PCDHA5: variants seen among roughly 807,000 people sequenced by gnomAD.
PCDHA5 encodes the protein protocadherin alpha-5.
A neutral mutation model predicts 61.6 loss-of-function variants in PCDHA5; 43 were observed. That is an observed-to-expected ratio of 0.70 (90% CI 0.55 to 0.90). The LOEUF (loss-of-function observed/expected upper bound fraction) is 0.90. Ranked by LOEUF, PCDHA5 falls within the 40% of genes least tolerant of loss-of-function variation. The probability of loss-of-function intolerance (pLI) is 0.00; values close to 1 mark genes in which losing one functional copy is unlikely to be tolerated. For synonymous variants in PCDHA5, 627 were observed against 543.9 expected (o/e 1.15, Z -2.13); for missense variants, 1,298 against 1,222.7 (o/e 1.06, Z -0.92).
At chr5:140,862,566 T>C (rs1440139064) in intron 1 of PCDHA5, 1 of 478,068 alleles carries the variant, frequency 2.1e-6, no homozygotes, top group Non-Finnish European at 4.3e-6. Context: ...TGAACCACAA[T>C]GCCCTGGCGT....
chr5:140,884,183 G>A (rs201206731), intron 1 of PCDHA5: 1 of 1,613,424 alleles, frequency 6.2e-7, no homozygotes, highest in Non-Finnish European at 8.5e-7. Flanking sequence ...CCCTCTGGAC[G>A]AGGTGGACGC....
chr5:140,836,197 C>T, intron 1 of PCDHA5: 1 of 1,613,818 alleles, frequency 6.2e-7, no homozygotes, highest in Non-Finnish European at 8.5e-7. Flanking sequence ...GGCTACAACG[C>T]GTGGCTTTCG....
chr5:140,841,809 G>T, intron 1 of PCDHA5: 1 of 1,613,904 alleles, frequency 6.2e-7, no homozygotes. Context: ...GCAGATGTTG[G>T]AGCTAACTCC....
intron 1 of PCDHA5, chr5:140,869,346 T>G (rs781810947): frequency 4.3e-6 from 7 of 1,613,936 alleles, no homozygotes; most frequent in East Asian, 2.2e-5. Flanking sequence ...ATCTGCAGAA[T>G]GGCATTTTGT....
At chr5:140,902,687 T>C (rs552973135) in intron 1 of PCDHA5, among the ~76,000 whole-genome samples, 184 of 152,262 alleles carry the variant, frequency 1.2e-3, no homozygotes, top group African/African-American at 4.2e-3. Context: ...GTACCTAATA[T>C]GTGTAGTCTT....
At chr5:140,946,629 T>TATATATATATATAC (rs1367833800) in intron 1 of PCDHA5, among the ~76,000 whole-genome samples, 1 of 123,274 alleles carries the variant, frequency 8.1e-6, no homozygotes, top group Admixed American at 8.1e-5. Flanking sequence ...TATATATATA[T>TATATATATATATAC]ATACAATGGA....
At chr5:140,828,085 A>G in intron 1 of PCDHA5, 1 of 1,590,816 alleles carries the variant, frequency 6.3e-7, no homozygotes, top group East Asian at 2.2e-5. Context: ...AACCAGAGGT[A>G]TTTGACATGG....
chr5:140,871,716 C>G (rs1315028077), intron 1 of PCDHA5: 6 of 796,846 alleles, frequency 7.5e-6, no homozygotes, highest in Non-Finnish European at 1.1e-5. Flanking sequence ...TGTCCTATTT[C>G]TCTTAATATT....
chr5:140,893,583 T>G (rs535910), intron 1 of PCDHA5, among the ~76,000 whole-genome samples: 7,078 of 152,294 alleles, frequency 0.046, 293 homozygotes, highest in African/African-American at 0.11. Context: ...TTTGCTTGTT[T>G]GGGAAATACT....
chr5:140,875,696 T>C (rs2055720575), intron 1 of PCDHA5: 1 of 1,613,958 alleles, frequency 6.2e-7, no homozygotes, highest in Non-Finnish European at 8.5e-7. Flanking sequence ...GGGGACCTTC[T>C]GGAGGTAAAT....
intron 1 of PCDHA5, chr5:140,928,771 A>C: frequency 6.2e-7 from 1 of 1,613,998 alleles, no homozygotes; most frequent in Non-Finnish European, 8.5e-7. Context: ...AGTTCTTCCC[A>C]CTGATGCAGT....
At chr5:140,876,662 T>C in intron 1 of PCDHA5, 1 of 1,614,232 alleles carries the variant, frequency 6.2e-7, no homozygotes, top group Non-Finnish European at 8.5e-7. Flanking sequence ...CCCTTCAAGC[T>C]GGTGTCCACC....
chr5:140,944,095 A>AT (rs2093609322), intron 1 of PCDHA5, among the ~76,000 whole-genome samples: 1 of 152,250 alleles, frequency 6.6e-6, no homozygotes. Context: ...GAGTAAGTTT[A>AT]TATCTCATGG....
intron 1 of PCDHA5, chr5:140,830,716 A>G (rs1437776192): frequency 8.4e-6 from 2 of 237,240 alleles, no homozygotes; most frequent in Non-Finnish European, 1.6e-5. Flanking sequence ...TTGTCTTCAA[A>G]CCAAAATATT....
At chr5:140,980,856 G>A (rs559833499) in intron 2 of PCDHA5, among the ~76,000 whole-genome samples, 2 of 152,004 alleles carry the variant, frequency 1.3e-5, no homozygotes, top group African/African-American at 2.4e-5. Context: ...AATCTTTTTC[G>A]TATGTGTGCT....
In PCDHA5 at chr5:140,953,296, G is replaced by A. The variant is rs118116883; in HGVS notation, c.2353-25653G>A. 7.9e-5 allele frequency among the ~76,000 whole-genome samples: 12 copies of A among 152,162 alleles called. No individual in the cohort carries two copies. The East Asian group carries it at 1.5e-3, about 20-fold the overall frequency. Reference sequence around the variant, plus strand: ...TGCTCTTTATATGTGATTCAGGGACGGCAGAGATGTGGGAAGAATTTGATC... The same window carrying A: ...TGCTCTTTATATGTGATTCAGGGACAGCAGAGATGTGGGAAGAATTTGATC... On this transcript the variant is annotated intron_variant, in intron 1 of 3. Coordinates refer to ENST00000529859, the MANE Select transcript of PCDHA5 (RefSeq NM_018908.3).
At chr5:140,970,663 CAAAT>C (rs1216768545) in intron 1 of PCDHA5, among the ~76,000 whole-genome samples, 1 of 152,136 alleles carries the variant, frequency 6.6e-6, no homozygotes, top group Non-Finnish European at 1.5e-5. Flanking sequence ...GTTATCTTTC[CAAAT>C]AACTACTTTG....
intron 3 of PCDHA5, among the ~76,000 whole-genome samples, chr5:140,995,446 T>C (rs2097684088): frequency 6.6e-6 from 1 of 152,206 alleles, no homozygotes; most frequent in Non-Finnish European, 1.5e-5. Flanking sequence ...TTAAAACTTA[T>C]GAATTGTTTA....
intron 3 of PCDHA5, among the ~76,000 whole-genome samples, chr5:140,997,720 G>A (rs973128921): frequency 3.3e-5 from 5 of 151,568 alleles, no homozygotes; most frequent in East Asian, 1.9e-4. Context: ...ACCTTTCTAC[G>A]TCAGTACATA....
Sources: gnomAD v4.1 joint callset for allele counts (sites outside exome capture counted in the v4.1 genomes callset) on GRCh38, gnomAD v4.1.1 for gene constraint, MANE v1.5 for transcripts, NCBI Gene and HGNC (gene_info 2026-07-23, HGNC 2026-07-21) for gene names.